KMO: variants seen among roughly 807,000 people sequenced by gnomAD.
KMO encodes kynurenine 3-hydroxylase.
A neutral mutation model predicts 57.8 loss-of-function variants in KMO; 24 were observed. The observed-to-expected ratio is 0.42, with a 90% CI of 0.30 to 0.58. KMO has a LOEUF of 0.58. Ranked by LOEUF, KMO falls within the 20% of genes least tolerant of loss-of-function variation. The pLI is 0.22. For missense variants in KMO, 483 were observed against 588.2 expected, an observed-to-expected ratio of 0.82 and a Z score of 1.85; for synonymous variants, 210 against 193.6, an observed-to-expected ratio of 1.08 and a Z score of -0.70.
intron 2 of KMO, 70 bp downstream of exon 2, chr1:241,548,968 G>A (rs1161320019): frequency 2.2e-5 from 22 of 981,852 alleles, no homozygotes; most frequent in Non-Finnish European, 3.3e-5. Flanking sequence ...GGAGGCCAGG[G>A]CACATGGATC....
In KMO at chr1:241,592,290, C is replaced by T; in HGVS notation, c.*137C>T. ...TATAATTAAACTGAATGTAGAGTAT[C>T]TCTGTATGTTAATTGCAATTACTGG... is the stretch of plus-strand genomic sequence containing the variant. On this transcript the variant is annotated 3_prime_UTR_variant, in exon 15 of 15. Transcript: ENST00000366559. 1 of 669,408 alleles carries T rather than the reference C, an allele frequency of 1.5e-6. No homozygotes were observed. Among genetic ancestry groups the T allele is most frequent in the South Asian group, 1.9e-5 (1 of 52,914 alleles). 41.5% of individuals were successfully genotyped at this position (669,408 alleles called of 1,614,324 possible).
At chr1:241,545,809 G>C (rs1021249938) in intron 1 of KMO, among the ~76,000 whole-genome samples, 1 of 152,090 alleles carries the variant, frequency 6.6e-6, no homozygotes, top group Non-Finnish European at 1.5e-5. Flanking sequence ...GCTGAGTGGA[G>C]ACCTGGAGGA....
intron 1 of KMO, among the ~76,000 whole-genome samples, chr1:241,534,990 A>C (rs958812117): frequency 4.0e-5 from 6 of 151,696 alleles, no homozygotes; most frequent in Non-Finnish European, 8.8e-5. Flanking sequence ...CCTGTTTCTT[A>C]GATATCTACT....
chr1:241,557,141 T>G (rs1351866055), intron 5 of KMO, among the ~76,000 whole-genome samples: 1 of 152,214 alleles, frequency 6.6e-6, no homozygotes, highest in East Asian at 1.9e-4. Flanking sequence ...AATAGAACCC[T>G]GAAGTTGTGA....
intron 1 of KMO, among the ~76,000 whole-genome samples, chr1:241,546,650 G>A (rs1307800483): frequency 6.6e-6 from 1 of 152,166 alleles, no homozygotes; most frequent in Non-Finnish European, 1.5e-5. Flanking sequence ...TTTCTAGTTT[G>A]AGCAACTGGA....
chr1:241,549,209 GA>G (rs1330675748), intron 2 of KMO, among the ~76,000 whole-genome samples: 1 of 4,132 alleles, frequency 2.4e-4, no homozygotes, highest in African/African-American at 4.3e-4. Flanking sequence ...AAGGAAGAAA[GA>G]AAGAAAGAAA....
chr1:241,575,662 T>C (rs111293998), intron 10 of KMO, among the ~76,000 whole-genome samples: 1 of 152,106 alleles, frequency 6.6e-6, no homozygotes, highest in African/African-American at 2.4e-5. Context: ...TGTTTTAAAA[T>C]TTATTGAGAC....
chr1:241,576,721 A>C (rs1038073555), intron 10 of KMO, among the ~76,000 whole-genome samples: 2 of 151,714 alleles, frequency 1.3e-5, no homozygotes, highest in Non-Finnish European at 2.9e-5. Flanking sequence ...GATAACATAC[A>C]CCTTGGTGAT....
intron 10 of KMO, among the ~76,000 whole-genome samples, chr1:241,578,677 G>T (rs557140501): frequency 6.6e-6 from 1 of 152,262 alleles, no homozygotes; most frequent in Admixed American, 6.5e-5. Context: ...CTGGTTGTAG[G>T]AGTAATTAAC....
At chr1:241,567,342 G>A (rs1662120852) in intron 9 of KMO, among the ~76,000 whole-genome samples, 1 of 152,186 alleles carries the variant, frequency 6.6e-6, no homozygotes, top group African/African-American at 2.4e-5. Flanking sequence ...CCACTTCTTG[G>A]TTCATAGATG....
intron 1 of KMO, among the ~76,000 whole-genome samples, chr1:241,533,026 C>T (rs945781917): frequency 6.6e-6 from 1 of 152,216 alleles, no homozygotes; most frequent in African/African-American, 2.4e-5. Flanking sequence ...ACTTACTTGA[C>T]TCTTCCAGTG....
In KMO at chr1:241,592,183, A is replaced by G. The variant is rs1558434582; in HGVS notation, c.*30A>G. On this transcript the variant is annotated 3_prime_UTR_variant, in exon 15 of 15. Coordinates refer to ENST00000366559, the MANE Select transcript of KMO (RefSeq NM_003679.5). ...AAGGTTTTGTGGTAGCAAATGCATG[A>G]TTTCTCTGTGACCAAAATTAAGCAT... 6.4e-6 allele frequency: 10 copies of G among 1,559,248 alleles called. No homozygotes were observed. Among genetic ancestry groups the G allele is most frequent in the Non-Finnish European group, 8.8e-6 (10 of 1,133,904 alleles).
chr1:241,568,410 C>T (rs1211139868), intron 9 of KMO, 90 bp from the exon 10 acceptor site: 14 of 1,290,558 alleles, frequency 1.1e-5, no homozygotes, highest in South Asian at 6.6e-5. Flanking sequence ...AACAAAACTT[C>T]GTGATAGTTA....
chr1:241,562,231 A>G lies in KMO; in HGVS notation c.514A>G (p.Thr172Ala), dbSNP rs545631663. 4.3e-6 allele frequency: 7 copies of G among 1,614,154 alleles called. No individual in the cohort carries two copies. In the South Asian group the frequency reaches 7.7e-5, roughly 18 times the overall value. ...LIVGCDGAYSTVRSHLMKKPR... is the reference protein window; with the variant it reads ...LIVGCDGAYSAVRSHLMKKPR... ...TGTAGGATGTGATGGAGCCTATTCAACTGTCAGATCTCACCTGATGAAGAA... is the reference window on the plus strand; with the variant it reads ...TGTAGGATGTGATGGAGCCTATTCAGCTGTCAGATCTCACCTGATGAAGAA... The change falls in exon 7 of 15, where the codon ACT becomes GCT. Residue 172 changes from threonine (T) to alanine (A), a missense_variant. Thr to Ala is a moderately conservative substitution (Grantham distance 58, BLOSUM62 0). Around this residue, in one of 3 missense-constraint regions of KMO, gnomAD observed 410 missense variants for 492.3 expected, o/e 0.83. Transcript: ENST00000366559.
chr1:241,572,537 C>G (rs1056316836), intron 10 of KMO, among the ~76,000 whole-genome samples: 1 of 151,716 alleles, frequency 6.6e-6, no homozygotes, highest in African/African-American at 2.4e-5. Flanking sequence ...TTTCATTGAT[C>G]TTTTGTATTA....
At chr1:241,544,757 G>A (rs1436248915) in intron 1 of KMO, among the ~76,000 whole-genome samples, 8 of 152,062 alleles carry the variant, frequency 5.3e-5, no homozygotes, top group African/African-American at 1.9e-4. Flanking sequence ...GAAATAACAT[G>A]CATACAAAAT....
In KMO at chr1:241,594,437, A is replaced by G. The variant is rs775014277; in HGVS notation, c.*2284A>G. The G allele has an allele frequency of 1.2e-6, 2 of 1,612,218 alleles. No homozygotes were observed. The highest frequency in any genetic ancestry group is 4.5e-5 in the East Asian group (2 of 44,818). Reference sequence around the variant, plus strand: ...TTGCCATTCTTCATTCCTACAAAGGACGAACTTGGATTACATCAACTTTGG... The same window carrying G: ...TTGCCATTCTTCATTCCTACAAAGGGCGAACTTGGATTACATCAACTTTGG... On this transcript the variant is annotated 3_prime_UTR_variant, in exon 15 of 15. Coordinates refer to ENST00000366559, the MANE Select transcript of KMO (RefSeq NM_003679.5).
rs1266664126 is a variant in KMO at position 241,586,744 on chromosome 1, A to G, written c.1015+8A>G. The G allele has an allele frequency of 6.9e-6, 11 of 1,595,396 alleles. No homozygotes were observed. In the Admixed American group the frequency reaches 1.2e-4, roughly 18 times the overall value. The stretch of plus-strand genomic sequence containing the variant: ...AATTCAGTAACGACCTTAGTAAGTA[A>G]GGTCAATTTCTCAACTGGACATGTA... On this transcript the variant is annotated splice_region_variant and intron_variant, in intron 11 of 14. Transcript: ENST00000366559.
intron 10 of KMO, among the ~76,000 whole-genome samples, chr1:241,570,420 T>C (rs1662230761): frequency 6.6e-6 from 1 of 152,122 alleles, no homozygotes. Context: ...CACTCTTAGA[T>C]TTGTCTTTAA....
Sources: allele counts gnomAD v4.1 joint callset (sites outside exome capture counted in the v4.1 genomes callset), GRCh38; gene constraint gnomAD v4.1.1; regional missense constraint gnomAD v4.1.1; transcripts MANE v1.5; gene names NCBI Gene and HGNC (gene_info 2026-07-23, HGNC 2026-07-21).